Variants in PARD3B observed in about 807,000 individuals in gnomAD.
The protein encoded by PARD3B is par-3 family cell polarity regulator beta, also known as partitioning defective 3 homolog B.
A neutral mutation model predicts 130.2 loss-of-function variants in PARD3B; 103 were observed. That is an observed-to-expected ratio of 0.79 (90% CI 0.67 to 0.93). PARD3B has a LOEUF of 0.93. PARD3B is among the 40% of genes least tolerant of loss of function. The probability of loss-of-function intolerance (pLI) is 0.00; values close to 1 mark genes in which losing one functional copy is unlikely to be tolerated. For missense variants in PARD3B, 1,609 were observed against 1,499.2 expected (o/e 1.07, Z -1.21); for synonymous variants, 583 against 553.2 (o/e 1.05, Z -0.76).
chr2:205,485,400 G>A (rs2049399357), intron 20 of PARD3B, among the ~76,000 whole-genome samples: 1 of 152,158 alleles, frequency 6.6e-6, no homozygotes, highest in Non-Finnish European at 1.5e-5. Flanking sequence ...TGGCACGTTA[G>A]CCAACAAGTA....
At chr2:205,328,802 T>C (rs1328402236) in intron 18 of PARD3B, among the ~76,000 whole-genome samples, 2 of 152,216 alleles carry the variant, frequency 1.3e-5, no homozygotes, top group African/African-American at 4.8e-5. Context: ...ATATTGTTCT[T>C]GAAGGAACCA....
At chr2:205,538,374 GA>G (rs1055280545) in intron 21 of PARD3B, among the ~76,000 whole-genome samples, 1 of 152,156 alleles carries the variant, frequency 6.6e-6, no homozygotes, top group Non-Finnish European at 1.5e-5. Context: ...GGATGACAAT[GA>G]TGACTGTAGA....
intron 20 of PARD3B, among the ~76,000 whole-genome samples, chr2:205,441,709 G>T (rs1042100437): frequency 3.3e-5 from 5 of 152,132 alleles, no homozygotes; most frequent in African/African-American, 1.2e-4. Flanking sequence ...CAATTAGGTT[G>T]GGGAGAGGAA....
chr2:204,943,337 A>G lies in PARD3B; in HGVS notation c.223-21815A>G, dbSNP rs2125807368. Among the ~76,000 whole-genome samples, 1 of 152,228 alleles carries G rather than the reference A, an allele frequency of 6.6e-6. No individual in the cohort carries two copies. Among genetic ancestry groups the G allele is most frequent in the South Asian group, 2.1e-4 (1 of 4,818 alleles). On this transcript the variant is annotated intron_variant, in intron 2 of 22. Coordinates refer to ENST00000406610, the MANE Select transcript of PARD3B (RefSeq NM_001302769.2). The surrounding 1 kb of genome is among the most constrained non-coding windows in gnomAD (Gnocchi z 4.2). ...GAGGATCTTCCTATGACCTATGATG[A>G]GAAAGAGGTTAGAGGTAGACTGGCT...
chr2:205,484,372 T>A (rs1468013733), intron 20 of PARD3B, among the ~76,000 whole-genome samples: 1 of 152,170 alleles, frequency 6.6e-6, no homozygotes, highest in Non-Finnish European at 1.5e-5. Context: ...GCTTTTCCAG[T>A]CCTGCCTGCC....
At chr2:205,137,471 T>A (rs538559145) in intron 10 of PARD3B, among the ~76,000 whole-genome samples, 5 of 152,350 alleles carry the variant, frequency 3.3e-5, no homozygotes, top group South Asian at 2.1e-4. Flanking sequence ...CACATTTTTT[T>A]AAAAACCCAT....
At chr2:205,324,940 AG>A (rs2042887971) in intron 18 of PARD3B, among the ~76,000 whole-genome samples, 1 of 152,182 alleles carries the variant, frequency 6.6e-6, no homozygotes, top group South Asian at 2.1e-4. Context: ...CAATAAATCA[AG>A]AGGATGCTGT....
Position 205,494,441 on chromosome 2 carries a change from T to A in PARD3B, c.3045-5455T>A, listed in dbSNP as rs562480294. On this transcript the variant is annotated intron_variant, in intron 20 of 22. Coordinates refer to ENST00000406610, the MANE Select transcript of PARD3B (RefSeq NM_001302769.2). ...AGAATGTGTCTTTCATGTAGGATCT[T>A]TGTCATATGTTGATTCTCCTTTGCA... Among the ~76,000 whole-genome samples the A allele has an allele frequency of 1.1e-4, 17 of 152,224 alleles. No individual in the cohort carries two copies. The East Asian group carries it at 1.9e-3, about 17-fold the overall frequency.
chr2:204,811,165 G>A (rs2042947981), intron 2 of PARD3B, among the ~76,000 whole-genome samples: 1 of 151,946 alleles, frequency 6.6e-6, no homozygotes, highest in East Asian at 1.9e-4. Flanking sequence ...CATACCCTTT[G>A]TTGTTCCTGA....
chr2:204,667,059 T>C (rs965764186), intron 1 of PARD3B, among the ~76,000 whole-genome samples: 1 of 152,198 alleles, frequency 6.6e-6, no homozygotes, highest in East Asian at 1.9e-4. Flanking sequence ...GATACCCATC[T>C]GGGAGAGAGG....
At chr2:205,314,885 G>A (rs1046526962) in intron 18 of PARD3B, among the ~76,000 whole-genome samples, 20 of 152,076 alleles carry the variant, frequency 1.3e-4, no homozygotes, top group African/African-American at 3.9e-4. Context: ...CAGGAATCCC[G>A]TGATGTCCGG....
chr2:204,630,054 A>G (rs901231489), intron 1 of PARD3B, among the ~76,000 whole-genome samples: 7 of 152,154 alleles, frequency 4.6e-5, no homozygotes, highest in Non-Finnish European at 1.0e-4. Context: ...GCCACTGTTT[A>G]CTTTCTATGC....
chr2:205,532,468 T>C (rs2051642422), intron 21 of PARD3B, among the ~76,000 whole-genome samples: 1 of 152,146 alleles, frequency 6.6e-6, no homozygotes, highest in African/African-American at 2.4e-5. Context: ...AAGCCAACTA[T>C]TGTTATTGGC....
chr2:205,121,113 C>G lies in PARD3B; in HGVS notation c.807-478C>G, dbSNP rs1033176231. ...GGATGTCAAACTTGAACTTGTGTAACACAACCCATGTTAGAGAAGATCTGT... is the reference window on the plus strand; with the variant it reads ...GGATGTCAAACTTGAACTTGTGTAAGACAACCCATGTTAGAGAAGATCTGT... On this transcript the variant is annotated intron_variant, in intron 7 of 22. Coordinates refer to ENST00000406610, the MANE Select transcript of PARD3B (RefSeq NM_001302769.2). This position sits in a 1 kb window ranked among gnomAD's most constrained non-coding sequence, Gnocchi z 5.0. Among the ~76,000 whole-genome samples, 2 of 152,198 alleles carry G rather than the reference C, an allele frequency of 1.3e-5. No homozygotes were observed. The highest frequency in any genetic ancestry group is 4.8e-5 in the African/African-American group (2 of 41,462).
At chr2:205,092,840 G>A (rs1239767479) in intron 4 of PARD3B, among the ~76,000 whole-genome samples, 2 of 152,078 alleles carry the variant, frequency 1.3e-5, no homozygotes, top group Non-Finnish European at 2.9e-5. Flanking sequence ...AGCTTCCAGC[G>A]ATTGTGGAAC....
intron 2 of PARD3B, among the ~76,000 whole-genome samples, chr2:204,911,090 C>T (rs2047218994): frequency 6.6e-6 from 1 of 152,146 alleles, no homozygotes; most frequent in South Asian, 2.1e-4. Context: ...TGTGTTAACA[C>T]CCTTTTTTCC....
At chr2:204,555,419 G>A (rs941990700) in intron 1 of PARD3B, among the ~76,000 whole-genome samples, 9 of 152,036 alleles carry the variant, frequency 5.9e-5, no homozygotes, top group East Asian at 1.9e-4. Context: ...TTAGCCAGAC[G>A]TGGTGGCACA....
Position 205,158,813 on chromosome 2 carries a change from T to G in PARD3B, c.1526T>G (p.Leu509Arg). The G allele has an allele frequency of 6.2e-7, 1 of 1,614,182 alleles. No individual in the cohort carries two copies. Among genetic ancestry groups the G allele is most frequent in the South Asian group, 1.1e-5 (1 of 91,086 alleles). The change falls in exon 11 of 23, where the codon CTC becomes CGC. Residue 509 changes from leucine to arginine, a missense_variant. Leu to Arg is a moderately radical substitution (Grantham distance 102, BLOSUM62 -2). Transcript: ENST00000406610. The surrounding 1 kb of genome is among the most constrained non-coding windows in gnomAD (Gnocchi z 5.4). The stretch of plus-strand genomic sequence containing the variant: ...CTGAATGATTCAGGTTCTGCTGGCC[T>G]CGGGGTGAGCTTAAAAGGGAACAAA... ...IPLNDSGSAG[L>R]GVSLKGNKSR...
chr2:205,427,718 TTAAA>T (rs1281364853), intron 19 of PARD3B, among the ~76,000 whole-genome samples: 1 of 152,066 alleles, frequency 6.6e-6, no homozygotes, highest in East Asian at 1.9e-4. Context: ...ATATAGCAAA[TTAAA>T]TAAAAAGGAA....
Sources: allele counts gnomAD v4.1 joint callset (sites outside exome capture counted in the v4.1 genomes callset), GRCh38; gene constraint gnomAD v4.1.1; non-coding constraint Gnocchi (gnomAD v3.1); transcripts MANE v1.5; gene names NCBI Gene and HGNC (gene_info 2026-07-23, HGNC 2026-07-21).